PTPRD: variants seen among roughly 807,000 people sequenced by gnomAD.
PTPRD encodes the protein receptor-type tyrosine-protein phosphatase delta.
Under a neutral mutation model 214.5 loss-of-function variants are expected in PTPRD, and 34 were observed. The observed-to-expected ratio is 0.16, with a 90% CI of 0.12 to 0.21. PTPRD has a LOEUF of 0.21. Ranked by LOEUF, PTPRD falls within the 10% of genes least tolerant of loss-of-function variation. The pLI is 1.00. For missense variants in PTPRD, 2,545 were observed against 2,398.7 expected (o/e 1.06, Z -1.27); for synonymous variants, 1,128 against 845.7 (o/e 1.33, Z -5.79).
In PTPRD at chr9:9,302,591, T is replaced by G. The variant is rs1368519224; in HGVS notation, c.-203+94858A>C. Among the ~76,000 whole-genome samples, 11 of 106,792 alleles carry G rather than the reference T, an allele frequency of 1.0e-4. No homozygotes were observed. The East Asian group carries it at 2.6e-3, about 25-fold the overall frequency. The allele number at this position is 106,792 out of a possible 152,430, so 70.1% of individuals were successfully genotyped here. A position where few individuals can be genotyped will look rare whatever the true frequency, so the allele number is the denominator to read the frequency against. On this transcript the variant is annotated intron_variant, in intron 9 of 45. Coordinates refer to ENST00000381196, the MANE Select transcript of PTPRD (RefSeq NM_002839.4). Reference sequence around the variant, plus strand: ...ATATTGACCACATCATGTTTTGTAGTTTTTTTTTTCTTTTTTTTTTTTTTT... The same window carrying G: ...ATATTGACCACATCATGTTTTGTAGGTTTTTTTTTCTTTTTTTTTTTTTTT...
At chr9:8,805,719 G>GGCAC (rs1417642769) in intron 11 of PTPRD, among the ~76,000 whole-genome samples, 1 of 151,310 alleles carries the variant, frequency 6.6e-6, no homozygotes, top group Non-Finnish European at 1.5e-5. Flanking sequence ...TCTCCTGCTG[G>GGCAC]GCACGGTGGG....
chr9:8,436,120 G>T (rs189645447), intron 35 of PTPRD, among the ~76,000 whole-genome samples: 1 of 152,260 alleles, frequency 6.6e-6, no homozygotes, highest in African/African-American at 2.4e-5. Flanking sequence ...AATACTGCAT[G>T]ATCTCATTTA....
At chr9:8,355,200 T>TC (rs1281075402) in intron 39 of PTPRD, among the ~76,000 whole-genome samples, 1 of 152,126 alleles carries the variant, frequency 6.6e-6, no homozygotes, top group Non-Finnish European at 1.5e-5. Flanking sequence ...CTCCTGTCTC[T>TC]CTCTTGCTCC....
chr9:10,610,721 C>A (rs7873958), intron 2 of PTPRD, among the ~76,000 whole-genome samples: 22,068 of 152,050 alleles, frequency 0.15, 1,802 homozygotes, highest in Non-Finnish European at 0.19. Flanking sequence ...AATCAAGAAA[C>A]AATGACACAT....
chr9:8,816,272 T>C (rs1036154382), intron 11 of PTPRD, among the ~76,000 whole-genome samples: 1 of 152,204 alleles, frequency 6.6e-6, no homozygotes, highest in East Asian at 1.9e-4. Context: ...AGATTCACTT[T>C]TTTCTTTGTG....
chr9:9,988,252 C>A (rs2095791868), intron 4 of PTPRD, among the ~76,000 whole-genome samples: 1 of 152,062 alleles, frequency 6.6e-6, no homozygotes, highest in African/African-American at 2.4e-5. Flanking sequence ...ACATATTGAT[C>A]AGTTTTCAAA....
intron 7 of PTPRD, among the ~76,000 whole-genome samples, chr9:9,612,608 CATA>C (rs2094575317): frequency 6.6e-6 from 1 of 151,878 alleles, no homozygotes; most frequent in South Asian, 2.1e-4. Flanking sequence ...CTGATGGAAT[CATA>C]ACCTGTGGTC....
rs534763338 is a variant in PTPRD, at chr9:8,770,100, G to A, written c.-103-36154C>T. 2.0e-4 allele frequency among the ~76,000 whole-genome samples: 30 copies of A among 152,190 alleles called. 1 individual carries two copies. Among genetic ancestry groups the A allele is most frequent in the Admixed American group, 1.4e-3 (21 of 15,274 alleles). On this transcript the variant is annotated intron_variant, in intron 11 of 45. Coordinates refer to ENST00000381196, the MANE Select transcript of PTPRD (RefSeq NM_002839.4). ...GTTTAAGACCAGCCTGACCAACATA[G>A]TGAACCCTCGTCTCTACCAAAAAAC...
chr9:8,460,673 A>T, intron 32 of PTPRD, 102 bp from the exon 33 acceptor site: 6 of 1,172,524 alleles, frequency 5.1e-6, no homozygotes, highest in Non-Finnish European at 6.0e-6. Flanking sequence ...AGTGGATTTA[A>T]TGATAAGTGT....
At chr9:9,177,866 C>A (rs763239669) in intron 10 of PTPRD, among the ~76,000 whole-genome samples, 27 of 152,028 alleles carry the variant, frequency 1.8e-4, no homozygotes, top group Non-Finnish European at 3.4e-4. Context: ...AGTATAGTGG[C>A]CAAATGAAGA....
intron 12 of PTPRD, among the ~76,000 whole-genome samples, chr9:8,677,977 CAG>C (rs1471507966): frequency 1.3e-5 from 2 of 152,090 alleles, no homozygotes; most frequent in Non-Finnish European, 2.9e-5. Context: ...TTTGTGGGTG[CAG>C]GCCTGCAGGC....
rs1287517812 is a variant in PTPRD, at chr9:9,167,453, C to T, written c.-143+15851G>A. On this transcript the variant is annotated intron_variant, in intron 10 of 45. Transcript: ENST00000381196. ...AACATAAATATTATTGCTATAATAT[C>T]GTGTTAAAAAAATAAGGAGGGCTGG... 9.9e-5 allele frequency among the ~76,000 whole-genome samples: 15 copies of T among 151,394 alleles called. No individual in the cohort carries two copies. The South Asian group carries it at 2.7e-3, about 27-fold the overall frequency.
chr9:8,361,804 T>C (rs911432429), intron 39 of PTPRD, among the ~76,000 whole-genome samples: 1 of 149,014 alleles, frequency 6.7e-6, no homozygotes, highest in African/African-American at 2.6e-5. Context: ...TAAAAAAAAT[T>C]CTGAAAAAAC....
chr9:8,774,750 C>A (rs932970227), intron 11 of PTPRD, among the ~76,000 whole-genome samples: 1 of 151,692 alleles, frequency 6.6e-6, no homozygotes, highest in African/African-American at 2.4e-5. Context: ...GTCAGGCTGG[C>A]CTCAAACTCC....
chr9:9,727,529 G>C (rs1307850056), intron 7 of PTPRD, among the ~76,000 whole-genome samples: 1 of 152,086 alleles, frequency 6.6e-6, no homozygotes, highest in Admixed American at 6.6e-5. Flanking sequence ...AAATAAAAAA[G>C]TAGATAGTTT....
intron 8 of PTPRD, among the ~76,000 whole-genome samples, chr9:9,415,218 G>A (rs1369884853): frequency 6.6e-6 from 1 of 152,148 alleles, no homozygotes; most frequent in East Asian, 1.9e-4. Flanking sequence ...CTCTCTTCCT[G>A]TAATCCCAGC....
intron 5 of PTPRD, among the ~76,000 whole-genome samples, chr9:9,825,934 T>A (rs1443013918): frequency 6.6e-6 from 1 of 151,754 alleles, no homozygotes; most frequent in African/African-American, 2.4e-5. Flanking sequence ...ATAATATTTC[T>A]TGGTACTAAT....
intron 11 of PTPRD, among the ~76,000 whole-genome samples, chr9:8,789,995 T>C (rs1159700607): frequency 6.6e-6 from 1 of 152,096 alleles, no homozygotes; most frequent in East Asian, 1.9e-4. Context: ...CTCACTTTCA[T>C]TGTGTTTATT....
intron 14 of PTPRD, among the ~76,000 whole-genome samples, chr9:8,605,342 T>C (rs1342332501): frequency 6.6e-6 from 1 of 152,196 alleles, no homozygotes; most frequent in East Asian, 1.9e-4. Context: ...AACTTCATTA[T>C]CATAGTTTTG....
Sources: allele counts gnomAD v4.1 joint callset (sites outside exome capture counted in the v4.1 genomes callset), GRCh38; gene constraint gnomAD v4.1.1; transcripts MANE v1.5; gene names NCBI Gene and HGNC (gene_info 2026-07-23, HGNC 2026-07-21).